The following PTK2 variants were observed in gnomAD, a reference collection of about 807,000 sequenced individuals.
PTK2 encodes the protein focal adhesion kinase 1.
In PTK2, 45 loss-of-function variants were observed where a neutral mutation model predicts 150.1. That is an observed-to-expected ratio of 0.30 (90% CI 0.24 to 0.38). The LOEUF (loss-of-function observed/expected upper bound fraction) is 0.38, where lower values mean the gene tolerates loss of function less well. PTK2 is among the 10% of genes least tolerant of loss of function. The probability of loss-of-function intolerance (pLI) is 1.00; values close to 1 mark genes in which losing one functional copy is unlikely to be tolerated. For synonymous variants in PTK2, 432 were observed against 449.2 expected, an observed-to-expected ratio of 0.96 and a Z score of 0.48; for missense variants, 919 against 1,307.3, an observed-to-expected ratio of 0.70 and a Z score of 4.58.
intron 2 of PTK2, among the ~76,000 whole-genome samples, chr8:140,895,809 T>C (rs929747276): frequency 1.3e-5 from 2 of 152,158 alleles, no homozygotes; most frequent in Non-Finnish European, 2.9e-5. Context: ...TGTATGCCTA[T>C]ATCAAAACGT....
chr8:140,945,675 A>G (rs903586082), intron 1 of PTK2, among the ~76,000 whole-genome samples: 1 of 152,146 alleles, frequency 6.6e-6, no homozygotes, highest in African/African-American at 2.4e-5. Context: ...AAAGCTCCTC[A>G]GGGCCTGATT....
intron 4 of PTK2, among the ~76,000 whole-genome samples, chr8:140,875,001 T>C (rs1385256503): frequency 6.6e-6 from 1 of 152,144 alleles, no homozygotes; most frequent in Non-Finnish European, 1.5e-5. Flanking sequence ...ACAACACATA[T>C]ATAATATCAG....
intron 27 of PTK2, among the ~76,000 whole-genome samples, chr8:140,683,401 A>G (rs2100018128): frequency 6.6e-6 from 1 of 152,328 alleles, no homozygotes; most frequent in African/African-American, 2.4e-5. Context: ...AGATGGCTTC[A>G]CAGTTGAATT....
chr8:140,856,326 T>C (rs576831236), intron 5 of PTK2, among the ~76,000 whole-genome samples: 3 of 151,996 alleles, frequency 2.0e-5, no homozygotes, highest in Non-Finnish European at 4.4e-5. Context: ...TTCACAAAAA[T>C]GCTTGCCAAA....
Position 140,855,552 on chromosome 8 carries a change from G to A in PTK2, c.450+8760C>T, listed in dbSNP as rs7837106. Among the ~76,000 whole-genome samples the A allele has an allele frequency of 1.1e-4, 17 of 152,054 alleles. No individual in the cohort carries two copies. In the South Asian group the frequency reaches 2.3e-3, roughly 20 times the overall value. On this transcript the variant is annotated intron_variant, in intron 5 of 31. Transcript: ENST00000522684. ...GGAGGTTGCAGTGAGCCAAGATCAC[G>A]CCACCACACTCCAGCCTGGACAACA...
At chr8:140,861,111 C>A (rs899642589) in intron 5 of PTK2, among the ~76,000 whole-genome samples, 3 of 152,102 alleles carry the variant, frequency 2.0e-5, no homozygotes, top group African/African-American at 7.2e-5. Flanking sequence ...GAGGCCAGGG[C>A]GGAAGGACTG....
chr8:140,676,400 T>A (rs962498323), intron 27 of PTK2, among the ~76,000 whole-genome samples: 2,518 of 41,780 alleles, frequency 0.06, 73 homozygotes, highest in African/African-American at 0.2. Context: ...ATTAATTAAT[T>A]AATTAATTAA....
At chr8:140,922,573 T>G (rs997568542) in intron 2 of PTK2, among the ~76,000 whole-genome samples, 16 of 152,136 alleles carry the variant, frequency 1.1e-4, no homozygotes, top group African/African-American at 3.9e-4. Flanking sequence ...CATCGACTAA[T>G]GGACTGTACA....
At chr8:140,758,968 T>A (rs868598104) in intron 16 of PTK2, among the ~76,000 whole-genome samples, 55 of 152,224 alleles carry the variant, frequency 3.6e-4, no homozygotes, top group Middle Eastern at 3.2e-3. Flanking sequence ...CTGCCCACAG[T>A]ATTCAATACA....
chr8:140,755,040 G>A (rs1291586007), intron 16 of PTK2, among the ~76,000 whole-genome samples: 1 of 152,154 alleles, frequency 6.6e-6, no homozygotes, highest in Non-Finnish European at 1.5e-5. Flanking sequence ...ACTATGCCTA[G>A]ACAAGGGATG....
chr8:140,743,364 A>G (rs754228322), intron 19 of PTK2, 34 bp from the exon 23 acceptor site: 43 of 1,554,142 alleles, frequency 2.8e-5, no homozygotes, highest in Non-Finnish European at 3.3e-5. Context: ...ATAAGACTTA[A>G]AATAAGAAAA....
At chr8:140,890,046 G>A (rs918707588) in intron 3 of PTK2, among the ~76,000 whole-genome samples, 6 of 152,098 alleles carry the variant, frequency 3.9e-5, no homozygotes, top group Non-Finnish European at 7.4e-5. Flanking sequence ...TCCCTCTACA[G>A]GCTCTAAGCT....
exon 11 of PTK2, chr8:140,803,547 G>A (rs748385105): frequency 1.2e-6 from 2 of 1,606,772 alleles, no homozygotes; most frequent in Non-Finnish European, 8.5e-7. Flanking sequence ...CCTTACCTCG[G>A]GTGCACCTGC....
intron 7 of PTK2, among the ~76,000 whole-genome samples, chr8:140,840,924 C>G (rs1181713882): frequency 2.6e-5 from 4 of 152,050 alleles, no homozygotes; most frequent in Admixed American, 6.5e-5. Flanking sequence ...TAAACCAGGT[C>G]AAGGCTAACC....
intron 26 of PTK2, among the ~76,000 whole-genome samples, chr8:140,691,320 A>C (rs2153827856): frequency 6.6e-6 from 1 of 152,304 alleles, no homozygotes; most frequent in African/African-American, 2.4e-5. Flanking sequence ...AACATTTGAA[A>C]AATCTTGGTA....
chr8:140,706,227 A>G, intron 23 of PTK2, 22 bp from the exon 27 acceptor site: 2 of 1,561,604 alleles, frequency 1.3e-6, no homozygotes, highest in East Asian at 2.2e-5. Flanking sequence ...AGAGAGCATC[A>G]TATGAATGAA....
At position 140,919,015 on chromosome 8, in the gene PTK2, G is replaced by A. The variant is rs1018206579; in HGVS notation, c.-33+6646C>T. 5.3e-5 allele frequency among the ~76,000 whole-genome samples: 8 copies of A among 152,300 alleles called. No homozygotes were observed. The East Asian group carries it at 1.5e-3, about 29-fold the overall frequency. On this transcript the variant is annotated intron_variant, in intron 2 of 31. Coordinates refer to ENST00000522684, the Ensembl canonical transcript of PTK2. ...CAAGAGTAACATGAGGGGAGAGAGA[G>A]GAAGTTTACTAAGATAGTTACACAC... is the stretch of plus-strand genomic sequence containing the variant.
chr8:140,876,748 G>A (rs2100145760), intron 4 of PTK2, among the ~76,000 whole-genome samples: 1 of 151,846 alleles, frequency 6.6e-6, no homozygotes, highest in African/African-American at 2.4e-5. Context: ...GGTATGTTCT[G>A]GAAAATTTTT....
intron 14 of PTK2, among the ~76,000 whole-genome samples, chr8:140,774,337 CTACT>C (rs1041066883): frequency 4.6e-5 from 7 of 152,146 alleles, no homozygotes; most frequent in African/African-American, 1.4e-4. Flanking sequence ...CTGCAGAGGG[CTACT>C]TACTTCTCTA....
Sources: gnomAD v4.1 joint callset for allele counts (sites outside exome capture counted in the v4.1 genomes callset) on GRCh38, gnomAD v4.1.1 for gene constraint, MANE v1.5 for transcripts, NCBI Gene and HGNC (gene_info 2026-07-23, HGNC 2026-07-21) for gene names.